FILIP1: variants seen among roughly 807,000 people sequenced by gnomAD.
The protein encoded by FILIP1 is filamin A interacting protein 1.
Under a neutral mutation model 102.1 loss-of-function variants are expected in FILIP1, and 61 were observed. That is an observed-to-expected ratio of 0.60 (90% confidence interval 0.49 to 0.74). The LOEUF (loss-of-function observed/expected upper bound fraction) is 0.74. Among genes scored for constraint, FILIP1 ranks in the 30% least tolerant of loss-of-function variants. FILIP1 has a pLI of 0.00. For synonymous variants in FILIP1, 491 were observed against 526.9 expected (o/e 0.93, Z 0.93); for missense variants, 1,314 against 1,441.2 (o/e 0.91, Z 1.43).
intron 6 of FILIP1, among the ~76,000 whole-genome samples, chr6:75,296,300 A>G (rs1772666533): frequency 6.7e-6 from 1 of 148,282 alleles, no homozygotes; most frequent in Non-Finnish European, 1.5e-5. Flanking sequence ...CTTCCAGCCA[A>G]ATTTTCTGGT....
At chr6:75,302,484 AT>A (rs1245944349) in intron 6 of FILIP1, among the ~76,000 whole-genome samples, 1 of 152,218 alleles carries the variant, frequency 6.6e-6, no homozygotes, top group Non-Finnish European at 1.5e-5. Flanking sequence ...CCCAGGGTAG[AT>A]TCTGAAATAA....
chr6:75,370,372 A>G (rs1775474908), intron 2 of FILIP1, among the ~76,000 whole-genome samples: 2 of 152,164 alleles, frequency 1.3e-5, no homozygotes, highest in Admixed American at 1.3e-4. Flanking sequence ...GCTGCATGGT[A>G]GGCACTCTGT....
chr6:75,319,880 C>G, intron 4 of FILIP1: 1 of 459,284 alleles, frequency 2.2e-6, no homozygotes, highest in South Asian at 2.5e-5. Flanking sequence ...GACTGAAGCA[C>G]CTGGGTGCTT....
chr6:75,451,251 T>C (rs1408462213), intron 1 of FILIP1, among the ~76,000 whole-genome samples: 1 of 148,354 alleles, frequency 6.7e-6, no homozygotes, highest in African/African-American at 2.4e-5. Flanking sequence ...TATATATTTA[T>C]ATATTATACA....
intron 1 of FILIP1, among the ~76,000 whole-genome samples, chr6:75,486,343 C>T (rs936856617): frequency 1.3e-5 from 2 of 152,164 alleles, no homozygotes; most frequent in Non-Finnish European, 2.9e-5. Flanking sequence ...CATCTCAGTG[C>T]CCCAGGCCTA....
At chr6:75,448,186 G>A (rs1301231412) in intron 1 of FILIP1, among the ~76,000 whole-genome samples, 2 of 151,984 alleles carry the variant, frequency 1.3e-5, no homozygotes, top group Non-Finnish European at 2.9e-5. Context: ...CACACAGCAT[G>A]GATTTTGTCA....
chr6:75,313,036 A>G lies in FILIP1; in HGVS notation c.2796T>C (p.Ser932=). 1 of 1,614,118 alleles carries G rather than the reference A, an allele frequency of 6.2e-7. No individual in the cohort carries two copies. Among genetic ancestry groups the G allele is most frequent in the Non-Finnish European group, 8.5e-7 (1 of 1,180,012 alleles). The change falls in exon 5 of 6, where the codon TCT becomes TCC. Residue 932 remains serine (S), a synonymous_variant. Transcript: ENST00000237172. The surrounding 1 kb of genome is among the most constrained non-coding windows in gnomAD (Gnocchi z 4.2). ...TATLEITSPT[S]EEFFSSTTVI... ...CAGTGGTACTAGAAAAAAATTCTTC[A>G]GATGTCGGGCTTGTTATCTCCAAAG...
intron 4 of FILIP1, among the ~76,000 whole-genome samples, chr6:75,350,088 T>G (rs1329055259): frequency 6.6e-6 from 1 of 151,992 alleles, no homozygotes; most frequent in Non-Finnish European, 1.5e-5. Context: ...CAACTTAAGG[T>G]ATCAATCAGG....
intron 1 of FILIP1, among the ~76,000 whole-genome samples, chr6:75,430,956 T>C (rs190951535): frequency 1.3e-5 from 2 of 152,276 alleles, no homozygotes; most frequent in East Asian, 1.9e-4. Context: ...AAGTTCAAAA[T>C]GGAGGACAAG....
chr6:75,334,898 T>A (rs1236565003), intron 4 of FILIP1: 1 of 152,050 alleles, frequency 6.6e-6, no homozygotes, highest in East Asian at 1.9e-4. Context: ...TGAGAAGGGG[T>A]GGAGCTGCCC....
At chr6:75,411,370 C>T (rs184266466) in intron 2 of FILIP1, among the ~76,000 whole-genome samples, 70 of 152,234 alleles carry the variant, frequency 4.6e-4, no homozygotes, top group South Asian at 1.0e-3. Context: ...TGTAGGTTGC[C>T]TGTTCATGCT....
At chr6:75,483,276 T>C (rs1779695735) in intron 1 of FILIP1, among the ~76,000 whole-genome samples, 1 of 152,186 alleles carries the variant, frequency 6.6e-6, no homozygotes, top group Admixed American at 6.5e-5. Flanking sequence ...GATCAGCTTG[T>C]TTCCAATGCA....
intron 2 of FILIP1, among the ~76,000 whole-genome samples, chr6:75,400,149 G>A (rs1776602641): frequency 6.6e-6 from 1 of 152,128 alleles, no homozygotes; most frequent in Non-Finnish European, 1.5e-5. Context: ...TGTTCATCGT[G>A]ACCTGTTTCC....
intron 1 of FILIP1, among the ~76,000 whole-genome samples, chr6:75,467,492 T>C (rs1779201773): frequency 6.6e-6 from 1 of 152,196 alleles, no homozygotes; most frequent in Non-Finnish European, 1.5e-5. Context: ...CTCAGCTGGA[T>C]GCCTTCATAC....
chr6:75,342,208 C>G (rs1774438446), intron 4 of FILIP1, among the ~76,000 whole-genome samples: 1 of 152,198 alleles, frequency 6.6e-6, no homozygotes, highest in African/African-American at 2.4e-5. Flanking sequence ...GGGTCTCACA[C>G]CATGTAACTA....
At chr6:75,372,693 A>G (rs1291195724) in intron 2 of FILIP1, among the ~76,000 whole-genome samples, 3 of 41,672 alleles carry the variant, frequency 7.2e-5, no homozygotes, top group Admixed American at 6.7e-4. Flanking sequence ...AAGAGAAAGA[A>G]AGAGAAAGAA....
chr6:75,401,636 C>G (rs983125628), intron 2 of FILIP1, among the ~76,000 whole-genome samples: 6 of 152,066 alleles, frequency 3.9e-5, no homozygotes, highest in African/African-American at 1.4e-4. Context: ...AATGGCTACC[C>G]TACAGGACAA....
At chr6:75,398,945 C>T (rs768165252) in intron 2 of FILIP1, 10 of 152,108 alleles carry the variant, frequency 6.6e-5, no homozygotes, top group Admixed American at 2.6e-4. Flanking sequence ...TACAATGAAG[C>T]AACTGATTTC....
At chr6:75,438,406 C>T (rs1472051169) in intron 1 of FILIP1, among the ~76,000 whole-genome samples, 1 of 152,058 alleles carries the variant, frequency 6.6e-6, no homozygotes, top group Non-Finnish European at 1.5e-5. Context: ...GATTAGAAAG[C>T]CTAAGATAAA....
Sources: allele counts gnomAD v4.1 joint callset (sites outside exome capture counted in the v4.1 genomes callset), GRCh38; gene constraint gnomAD v4.1.1; non-coding constraint Gnocchi (gnomAD v3.1); transcripts MANE v1.5; gene names NCBI Gene and HGNC (gene_info 2026-07-23, HGNC 2026-07-21).